NSMAF: variants seen among roughly 807,000 people sequenced by gnomAD.
NSMAF encodes the protein protein FAN.
NSMAF carries 90 observed loss-of-function variants against 134.9 expected under a neutral mutation model. The observed-to-expected ratio is 0.67, with a 90% CI of 0.56 to 0.79. NSMAF has a LOEUF of 0.79. NSMAF is among the 30% of genes least tolerant of loss of function. The pLI is 0.00. For missense variants in NSMAF, 1,010 were observed against 1,119.0 expected (o/e 0.90, Z 1.39); for synonymous variants, 358 against 389.6 (o/e 0.92, Z 0.96).
At chr8:58,648,869 A>C (rs1472390948) in intron 1 of NSMAF, among the ~76,000 whole-genome samples, 1 of 152,248 alleles carries the variant, frequency 6.6e-6, no homozygotes, top group Non-Finnish European at 1.5e-5. Context: ...AGCCTGCTAC[A>C]AGGATGGGGC....
At chr8:58,606,385 C>T (rs1806412321) in intron 11 of NSMAF, among the ~76,000 whole-genome samples, 1 of 152,160 alleles carries the variant, frequency 6.6e-6, no homozygotes. Context: ...CTTCTTCAAA[C>T]ATAAATGTCT....
intron 5 of NSMAF, among the ~76,000 whole-genome samples, chr8:58,633,119 C>G (rs1276095854): frequency 6.6e-6 from 1 of 152,234 alleles, no homozygotes; most frequent in Non-Finnish European, 1.5e-5. Flanking sequence ...CACACCCCTT[C>G]TCTTTCAGCT....
chr8:58,600,350 C>T (rs544439021), intron 16 of NSMAF, among the ~76,000 whole-genome samples: 9 of 151,952 alleles, frequency 5.9e-5, no homozygotes, highest in East Asian at 3.9e-4. Flanking sequence ...ACTGGTAGGG[C>T]GCGGTGGCTC....
chr8:58,599,900 A>G, intron 17 of NSMAF, 30 bp from the exon 18 acceptor site: 1 of 1,613,440 alleles, frequency 6.2e-7, no homozygotes, highest in South Asian at 1.1e-5. Flanking sequence ...ATAAAAAAGA[A>G]CAACAAACAT....
chr8:58,650,084 G>A (rs1158656035), intron 1 of NSMAF, among the ~76,000 whole-genome samples: 3 of 152,154 alleles, frequency 2.0e-5, no homozygotes, highest in Admixed American at 2.0e-4. Context: ...GGAGACATAA[G>A]CACTTGGGTA....
In NSMAF at chr8:58,599,141, G is replaced by A. The variant is rs566400757; in HGVS notation, c.1585+91C>T. The A allele has an allele frequency of 3.9e-6, 5 of 1,290,794 alleles. No homozygotes were observed. In the South Asian group the frequency reaches 5.8e-5, roughly 15 times the overall value. The allele number at this position is 1,290,794 out of a possible 1,614,324, so 80.0% of individuals were successfully genotyped here. A position where few individuals can be genotyped will look rare whatever the true frequency, so the allele number is the denominator to read the frequency against. ...CTAATTGCTTTGGCCTCATTTTTTT[G>A]TTGGTATTGTTTGCTTTCATTTTCC... On this transcript the variant is annotated intron_variant, in intron 19 of 30. Coordinates refer to ENST00000038176, the MANE Select transcript of NSMAF (RefSeq NM_003580.4).
chr8:58,607,206 T>C (rs966366778), intron 11 of NSMAF, among the ~76,000 whole-genome samples: 2 of 152,232 alleles, frequency 1.3e-5, no homozygotes, highest in African/African-American at 4.8e-5. Flanking sequence ...TCTGTAGGGA[T>C]TGGTTACTAA....
At chr8:58,627,485 A>G (rs1806961847) in intron 6 of NSMAF, among the ~76,000 whole-genome samples, 2 of 152,366 alleles carry the variant, frequency 1.3e-5, no homozygotes, top group African/African-American at 4.8e-5. Flanking sequence ...AAAAGCTCTT[A>G]GATCTAATAA....
chr8:58,631,508 A>G lies in NSMAF; in HGVS notation c.372T>C (p.Tyr124=). ...FIKEHNVVAP[Y]KIERGKMEYV... is the part of the protein sequence containing the mutation. ...AAGCTTTACTTACCCTTTCTATTTT[A>G]TATGGTGCAACAACATTATGTTCTT... The change falls in exon 6 of 31, where the codon TAT becomes TAC. Residue 124 remains tyrosine, a synonymous_variant. Coordinates refer to ENST00000038176, the MANE Select transcript of NSMAF (RefSeq NM_003580.4). 8 of 1,512,022 alleles carry G rather than the reference A, an allele frequency of 5.3e-6. No homozygotes were observed. The highest frequency in any genetic ancestry group is 6.3e-6 in the Non-Finnish European group (7 of 1,114,084). The allele number at this position is 1,512,022 out of a possible 1,614,324, so 93.7% of individuals were successfully genotyped here. A position where few individuals can be genotyped will look rare whatever the true frequency, so the allele number is the denominator to read the frequency against.
intron 11 of NSMAF, 148 bp from the exon 12 acceptor site, chr8:58,606,183 C>T (rs1306871326): frequency 1.5e-6 from 1 of 658,940 alleles, no homozygotes; most frequent in Non-Finnish European, 2.4e-6. Context: ...ATAAATTTAA[C>T]TCAGTGATAT....
At position 58,589,503 on chromosome 8, in the gene NSMAF, G is replaced by C; in HGVS notation, c.2160C>G (p.Ile720Met). The C allele has an allele frequency of 1.9e-6, 3 of 1,567,410 alleles. No homozygotes were observed. The East Asian group carries it at 7.1e-5, about 37-fold the overall frequency. Residue 720 changes from isoleucine to methionine, a missense_variant, in exon 26 of 31, where the codon ATC (isoleucine) becomes ATG (methionine). Transcript: ENST00000038176. ...LMGHDDAVSK[I>M]CWHDNRLYSA... ...AATATAGCCTGTTGTCATGCCAACA[G>C]ATCTTACTAACAGCATCATCATGTC...
chr8:58,589,957 G>A lies in NSMAF; in HGVS notation c.2087+50C>T, dbSNP rs766412568. ...GCTTTTCACACCTCATGTCCACAGA[G>A]GCAGCTATTCTGCACGTCGAATCAC... On this transcript the variant is annotated intron_variant, in intron 25 of 30. Transcript: ENST00000038176. 6 of 1,490,666 alleles carry A rather than the reference G, an allele frequency of 4.0e-6. No individual in the cohort carries two copies. The South Asian group carries it at 5.7e-5, about 14-fold the overall frequency. The allele number at this position is 1,490,666 out of a possible 1,614,324, so 92.3% of individuals were successfully genotyped here. A position where few individuals can be genotyped will look rare whatever the true frequency, so the allele number is the denominator to read the frequency against.
At chr8:58,609,845 A>G in intron 9 of NSMAF, 112 bp from the exon 10 acceptor site, 1 of 908,328 alleles carries the variant, frequency 1.1e-6, no homozygotes, top group Non-Finnish European at 1.6e-6. Flanking sequence ...TAAACACTAC[A>G]TTTAATATAA....
At position 58,659,176 on chromosome 8, in the gene NSMAF, C is replaced by T. The variant is rs1807795384; in HGVS notation, c.59+397G>A. 4.2e-6 allele frequency: 6 copies of T among 1,414,300 alleles called. No homozygotes were observed. The East Asian group carries it at 1.8e-4, about 42-fold the overall frequency. 87.6% of individuals were successfully genotyped at this position (1,414,300 alleles called of 1,614,324 possible). A position where few individuals can be genotyped will look rare whatever the true frequency, so the allele number is the denominator to read the frequency against. ...GGGGAAGGATTAGAAAGGGGGTGCC[C>T]GCCGGGCAGCGTACTCACCCTCCCC... On this transcript the variant is annotated intron_variant, in intron 1 of 30. Coordinates refer to ENST00000038176, the MANE Select transcript of NSMAF (RefSeq NM_003580.4).
intron 10 of NSMAF, among the ~76,000 whole-genome samples, chr8:58,608,446 T>C (rs942630890): frequency 6.6e-6 from 1 of 152,176 alleles, no homozygotes; most frequent in African/African-American, 2.4e-5. Context: ...TGGCTATGCT[T>C]CCGTGGTCCT....
At chr8:58,625,623 G>C (rs1806913031) in intron 6 of NSMAF, among the ~76,000 whole-genome samples, 1 of 152,124 alleles carries the variant, frequency 6.6e-6, no homozygotes, top group Non-Finnish European at 1.5e-5. Context: ...TGATTACCAA[G>C]CATGGAATAT....
intron 2 of NSMAF, among the ~76,000 whole-genome samples, chr8:58,635,975 T>C (rs1331472744): frequency 1.3e-5 from 2 of 152,194 alleles, no homozygotes; most frequent in Admixed American, 6.5e-5. Context: ...TCAATATACA[T>C]GTACTGAATA....
intron 23 of NSMAF, 46 bp from the exon 24 acceptor site, chr8:58,590,980 C>T: frequency 6.5e-7 from 1 of 1,532,836 alleles, no homozygotes; most frequent in Non-Finnish European, 8.9e-7. Context: ...ATTTCCTAAC[C>T]ATTACAGACG....
chr8:58,629,203 T>A (rs1807003018), intron 6 of NSMAF, among the ~76,000 whole-genome samples: 1 of 152,210 alleles, frequency 6.6e-6, no homozygotes, highest in African/African-American at 2.4e-5. Context: ...ATTAGTACTT[T>A]AGGCTTTCTT....
Sources: gnomAD v4.1 joint callset for allele counts (sites outside exome capture counted in the v4.1 genomes callset) on GRCh38, gnomAD v4.1.1 for gene constraint, MANE v1.5 for transcripts, NCBI Gene and HGNC (gene_info 2026-07-23, HGNC 2026-07-21) for gene names.